Variants in LPP observed in about 807,000 individuals in gnomAD.
The protein encoded by LPP is lipoma-preferred partner.
Under a neutral mutation model 60.4 loss-of-function variants are expected in LPP, and 38 were observed. The ratio of observed to expected loss-of-function variants is 0.63; its 90% CI spans 0.49 to 0.83. LPP has a LOEUF of 0.83. Ranked by LOEUF, LPP falls within the 40% of genes least tolerant of loss-of-function variation. LPP has a pLI of 0.00. For synonymous variants in LPP, 328 were observed against 290.8 expected (o/e 1.13, Z -1.30); for missense variants, 902 against 783.6 (o/e 1.15, Z -1.80).
chr3:188,353,655 C>T (rs1481062858), intron 3 of LPP, among the ~76,000 whole-genome samples: 1 of 152,214 alleles, frequency 6.6e-6, no homozygotes, highest in Non-Finnish European at 1.5e-5. Context: ...CAGCCTTCTG[C>T]TGAGGAGTCT....
intron 1 of LPP, among the ~76,000 whole-genome samples, chr3:188,181,735 T>G (rs1725069939): frequency 6.6e-6 from 1 of 152,198 alleles, no homozygotes; most frequent in Non-Finnish European, 1.5e-5. Flanking sequence ...ATTGGTTACT[T>G]TTTAGAGACA....
intron 7 of LPP, among the ~76,000 whole-genome samples, chr3:188,621,505 A>AT (rs892837847): frequency 3.9e-5 from 6 of 151,974 alleles, no homozygotes; most frequent in Middle Eastern, 6.8e-3. Context: ...TGATTTCATG[A>AT]TTTTTTTTGA....
chr3:188,828,734 G>A (rs1198998760), intron 9 of LPP, among the ~76,000 whole-genome samples: 1 of 151,248 alleles, frequency 6.6e-6, no homozygotes, highest in Non-Finnish European at 1.5e-5. Flanking sequence ...AGTCATTAGG[G>A]AAACTAGTAT....
At chr3:188,451,992 G>A (rs1382454557) in intron 4 of LPP, among the ~76,000 whole-genome samples, 1 of 152,122 alleles carries the variant, frequency 6.6e-6, no homozygotes, top group African/African-American at 2.4e-5. Context: ...TAAGGGGCTC[G>A]CCCTATTGTA....
rs965140515 is a variant in LPP, at chr3:188,607,122, C to G, written c.430-2039C>G. On this transcript the variant is annotated intron_variant, in intron 6 of 11. Coordinates refer to ENST00000617246, the MANE Select transcript of LPP (RefSeq NM_001375462.1). ...CAGTCTCTTTCTTGGTGAAGACACA[C>G]ACACACACACACACACACACACACA... is the stretch of plus-strand genomic sequence containing the variant. Among the ~76,000 whole-genome samples the G allele has an allele frequency of 7.3e-5, 3 of 41,108 alleles. No homozygotes were observed. The Admixed American group carries it at 9.5e-4, about 13-fold the overall frequency. 27.0% of individuals were successfully genotyped at this position (41,108 alleles called of 152,430 possible).
In LPP at chr3:188,359,853, C is replaced by T. The variant is rs141693839; in HGVS notation, c.-10+18134C>T. ...TCTATTCTTGTATTGCATGACGATA[C>T]TCTTGTTCTTTAGGTTTATACCTCT... On this transcript the variant is annotated intron_variant, in intron 3 of 11. Transcript: ENST00000617246. 9.3e-4 allele frequency among the ~76,000 whole-genome samples: 141 copies of T among 152,248 alleles called. 2 individuals are homozygous for T. Among genetic ancestry groups the T allele is most frequent in the Middle Eastern group, 3.4e-3 (1 of 294 alleles).
Position 188,734,447 on chromosome 3 carries a change from C to CCACT in LPP, c.1241-25665_1241-25662dup, listed in dbSNP as rs529928035. On this transcript the variant is annotated intron_variant, in intron 8 of 11. Transcript: ENST00000617246. ...TGTCAGCTGGGAACACTAAATACCC[C>CCACT]CACTTAACTTGCTATTTGTGAAGCT... is the stretch of plus-strand genomic sequence containing the variant. Among the ~76,000 whole-genome samples, 607 of 152,282 alleles carry CCACT rather than the reference C, an allele frequency of 4.0e-3. 4 individuals carry two copies. Among genetic ancestry groups the CCACT allele is most frequent in the African/African-American group, 0.014 (569 of 41,570 alleles).
intron 8 of LPP, among the ~76,000 whole-genome samples, chr3:188,737,707 A>C (rs1723012285): frequency 6.6e-6 from 1 of 152,158 alleles, no homozygotes; most frequent in Non-Finnish European, 1.5e-5. Context: ...TGCTGAATGT[A>C]TCAGTGATGG....
intron 6 of LPP, chr3:188,553,736 C>T (rs1348929814): frequency 6.6e-6 from 1 of 152,188 alleles, no homozygotes; most frequent in Non-Finnish European, 1.5e-5. Flanking sequence ...TATTCAGTCA[C>T]TTCCAATTAC....
At chr3:188,600,531 AT>A (rs1840930176) in intron 6 of LPP, among the ~76,000 whole-genome samples, 1 of 151,882 alleles carries the variant, frequency 6.6e-6, no homozygotes, top group South Asian at 2.1e-4. Context: ...ACATATTATT[AT>A]TTTTATTATA....
intron 2 of LPP, among the ~76,000 whole-genome samples, chr3:188,292,514 T>G (rs185464888): frequency 6.6e-6 from 1 of 152,300 alleles, no homozygotes; most frequent in African/African-American, 2.4e-5. Flanking sequence ...GGATGGAATA[T>G]GCTCTTAAGT....
intron 4 of LPP, among the ~76,000 whole-genome samples, chr3:188,425,218 AT>A (rs1788968336): frequency 6.6e-6 from 1 of 152,046 alleles, no homozygotes; most frequent in Middle Eastern, 3.2e-3. Context: ...GATTTTTGTC[AT>A]TGGTTCTGTT....
intron 2 of LPP, among the ~76,000 whole-genome samples, chr3:188,281,442 A>G (rs1366726961): frequency 2.0e-5 from 3 of 151,692 alleles, no homozygotes; most frequent in African/African-American, 7.3e-5. Flanking sequence ...TCTCTACTAA[A>G]AATACAGAAA....
chr3:188,706,252 G>A (rs1865456978), intron 7 of LPP, among the ~76,000 whole-genome samples: 2 of 152,096 alleles, frequency 1.3e-5, no homozygotes, highest in Non-Finnish European at 2.9e-5. Context: ...ATTTTTGGGG[G>A]GCTCTCAGTT....
intron 7 of LPP, among the ~76,000 whole-genome samples, chr3:188,704,757 T>TTTG (rs35521611): frequency 0.32 from 48,608 of 150,712 alleles, 8,501 homozygotes; most frequent in East Asian, 0.69. Flanking sequence ...AGATACCTGT[T>TTTG]TTGTTGTTGT....
chr3:188,186,483 C>A (rs1726633329), intron 1 of LPP, among the ~76,000 whole-genome samples: 3 of 152,122 alleles, frequency 2.0e-5, no homozygotes, highest in Admixed American at 6.6e-5. Flanking sequence ...AGAGTGACAT[C>A]TTGTAATGGT....
chr3:188,311,060 G>A (rs1381598000), intron 2 of LPP, among the ~76,000 whole-genome samples: 1 of 152,138 alleles, frequency 6.6e-6, no homozygotes, highest in Non-Finnish European at 1.5e-5. Flanking sequence ...AGCTGTATTA[G>A]TCTTCAGATC....
At chr3:188,456,898 G>C (rs1797859686) in intron 4 of LPP, among the ~76,000 whole-genome samples, 1 of 152,176 alleles carries the variant, frequency 6.6e-6, no homozygotes, top group African/African-American at 2.4e-5. Context: ...TTTCAGGAAA[G>C]GGTAAGAGGT....
At chr3:188,870,428 T>G (rs1419324764) in intron 10 of LPP, among the ~76,000 whole-genome samples, 1 of 152,184 alleles carries the variant, frequency 6.6e-6, no homozygotes, top group Non-Finnish European at 1.5e-5. Context: ...CATTCATTTA[T>G]GTATTTAATC....
Sources: gnomAD v4.1 joint callset for allele counts (sites outside exome capture counted in the v4.1 genomes callset) on GRCh38, gnomAD v4.1.1 for gene constraint, MANE v1.5 for transcripts, NCBI Gene and HGNC (gene_info 2026-07-23, HGNC 2026-07-21) for gene names.